The following ZNF658 variants were observed in gnomAD, a reference collection of about 807,000 sequenced individuals.
ZNF658 encodes zinc finger protein 658.
A neutral mutation model predicts 78.0 loss-of-function variants in ZNF658; 46 were observed. That is an observed-to-expected ratio of 0.59 (90% CI 0.47 to 0.75). The LOEUF is 0.75. Ranked by LOEUF, ZNF658 falls within the 30% of genes least tolerant of loss-of-function variation. The pLI, the probability that ZNF658 is intolerant of heterozygous loss-of-function variation, is 0.00. For missense variants in ZNF658, 785 were observed against 1,189.3 expected, an observed-to-expected ratio of 0.66 and a Z score of 5.00; for synonymous variants, 279 against 408.4, an observed-to-expected ratio of 0.68 and a Z score of 3.82.
rs1822421047 is a variant in ZNF658, at chr9:66,918,864, C to T, written c.1298C>T (p.Thr433Ile). The change falls in exon 5 of 5, where the codon ACT (threonine) becomes ATT (isoleucine). Residue 433 changes from threonine (T) to isoleucine (I), a missense_variant. This residue lies in a region of ZNF658 where 393 missense variants were observed against 400.2 expected (regional missense o/e 0.98). Transcript: ENST00000621410. ...TCACATCCTATTCAGCATCCTGGAACTTATGTGGGATTCAAACTTTATGAA... is the reference window on the plus strand; with the variant it reads ...TCACATCCTATTCAGCATCCTGGAATTTATGTGGGATTCAAACTTTATGAA... Reference protein sequence around the residue: ...SSSHPIQHPGTYVGFKLYECN... With the variant: ...SSSHPIQHPGIYVGFKLYECN... 1.2e-6 allele frequency: 2 copies of T among 1,601,268 alleles called. No homozygotes were observed. The highest frequency in any genetic ancestry group is 1.7e-6 in the Non-Finnish European group (2 of 1,171,166).
rs538127725 is a variant in ZNF658, at chr9:66,910,570, A to C, written c.238+1836A>C. ...ATGCCTGTAATCCCAGCACTTTGGG[A>C]GGCCAAGGCAGACAGATCACGAGGT... On this transcript the variant is annotated intron_variant, in intron 4 of 4. Coordinates refer to ENST00000621410, the MANE Select transcript of ZNF658 (RefSeq NM_033160.7). Among the ~76,000 whole-genome samples the C allele has an allele frequency of 2.6e-5, 4 of 152,088 alleles. No individual in the cohort carries two copies. In the South Asian group the frequency reaches 8.3e-4, roughly 32 times the overall value.
intron 2 of ZNF658, among the ~76,000 whole-genome samples, chr9:66,904,755 A>G (rs971558519): frequency 9.9e-5 from 15 of 152,082 alleles, no homozygotes; most frequent in African/African-American, 3.4e-4. Flanking sequence ...GTTTTGCTGA[A>G]CCATTCCCTT....
Position 66,919,063 on chromosome 9 carries a change from T to C in ZNF658, c.1497T>C (p.Tyr499=). Residue 499 remains tyrosine, a synonymous_variant, in exon 5 of 5, where the codon TAT becomes TAC. Coordinates refer to ENST00000621410, the MANE Select transcript of ZNF658 (RefSeq NM_033160.7). ...TGGAACTCTGTGGTGGCAGTGAATA[T>C]GGGAAGACATCACATCTCAAAGGAC... is the stretch of plus-strand genomic sequence containing the variant. The part of the protein sequence containing the change: ...AEMELCGGSE[Y]GKTSHLKGHQ... 2 of 633,824 alleles carry C rather than the reference T, an allele frequency of 3.2e-6. No individual in the cohort carries two copies. Among genetic ancestry groups the C allele is most frequent in the Non-Finnish European group, 5.0e-6 (2 of 397,378 alleles). 39.3% of individuals were successfully genotyped at this position (633,824 alleles called of 1,614,324 possible).
downstream of ZNF658, among the ~76,000 whole-genome samples, chr9:66,926,288 T>A (rs1004071667): frequency 2.2e-5 from 3 of 137,352 alleles, no homozygotes; most frequent in African/African-American, 8.0e-5. Context: ...AAGGAAGAAG[T>A]GAAATTGTAC....
At chr9:66,910,591 G>A (rs1379896078) in intron 4 of ZNF658, among the ~76,000 whole-genome samples, 2 of 152,046 alleles carry the variant, frequency 1.3e-5, no homozygotes, top group African/African-American at 4.8e-5. Flanking sequence ...GACAGATCAC[G>A]AGGTCAGGAG....
chr9:66,926,349 A>G (rs994474813), downstream of ZNF658, among the ~76,000 whole-genome samples: 1 of 150,750 alleles, frequency 6.6e-6, no homozygotes, highest in African/African-American at 2.4e-5. Context: ...TCCACAAAAA[A>G]CTGTTAGAAT....
chr9:66,924,843 TAGGTTTTAG>T (rs1474990060), downstream of ZNF658, among the ~76,000 whole-genome samples: 1 of 151,212 alleles, frequency 6.6e-6, no homozygotes, highest in African/African-American at 2.4e-5. Context: ...GACATGATTT[TAGGTTTTAG>T]ATGTTAAAAG....
chr9:66,917,756 C>T, intron 4 of ZNF658, 49 bp from the exon 5 acceptor site: 1 of 1,430,858 alleles, frequency 7.0e-7, no homozygotes, highest in South Asian at 1.3e-5. Flanking sequence ...AGTTCTTCTC[C>T]ATGAGAAATG....
chr9:66,913,223 A>G (rs28670071), intron 4 of ZNF658, among the ~76,000 whole-genome samples: 122,610 of 150,368 alleles, frequency 0.82, 50,226 homozygotes, highest in African/African-American at 0.89. Flanking sequence ...TCAGGAATTC[A>G]AGACCAGCCT....
In ZNF658 at chr9:66,920,124, C is replaced by A. The variant is rs1822476151; in HGVS notation, c.2558C>A (p.Pro853His). The A allele has an allele frequency of 1.2e-6, 2 of 1,612,086 alleles. No individual in the cohort carries two copies. Among genetic ancestry groups the A allele is most frequent in the South Asian group, 2.2e-5 (2 of 90,986 alleles). Residue 853 changes from proline to histidine, a missense_variant, in exon 5 of 5, where the codon CCC (proline) becomes CAC (histidine). Pro to His is a moderately conservative substitution (Grantham distance 77). Around this residue, in one of 12 missense-constraint regions of ZNF658, gnomAD observed 58 missense variants for 63.0 expected, o/e 0.92. Coordinates refer to ENST00000621410, the MANE Select transcript of ZNF658 (RefSeq NM_033160.7). ...AHQRIHTGEK[P>H]YECNECGKTF... ...CAGAGAATTCATACTGGGGAAAAACCCTATGAGTGTAATGAATGTGGGAAA... is the reference window on the plus strand; with the variant it reads ...CAGAGAATTCATACTGGGGAAAAACACTATGAGTGTAATGAATGTGGGAAA...
rs1290229814 is a variant in ZNF658, at chr9:66,929,826, C to T, written c.*55-2199C>T. Among the ~76,000 whole-genome samples, 399 of 121,792 alleles carry T rather than the reference C, an allele frequency of 3.3e-3. 1 individual carries two copies. The highest frequency in any genetic ancestry group is 5.2e-3 in the Non-Finnish European group (303 of 58,046). 79.9% of individuals were successfully genotyped at this position (121,792 alleles called of 152,430 possible). Reference sequence around the variant, plus strand: ...TTAGACGGAGTCTTGCTCTGTTGCCCGGGCTGGAGTGCAGTGGCATGATCT... The same window carrying T: ...TTAGACGGAGTCTTGCTCTGTTGCCTGGGCTGGAGTGCAGTGGCATGATCT... On this transcript the variant is annotated intron_variant and NMD_transcript_variant, in intron 6 of 6. Coordinates refer to the ZNF658 transcript ENST00000622180.
intron 4 of ZNF658, among the ~76,000 whole-genome samples, chr9:66,913,396 G>T (rs1822259575): frequency 6.6e-6 from 1 of 151,104 alleles, no homozygotes; most frequent in Non-Finnish European, 1.5e-5. Context: ...CTCCATTCCA[G>T]CCTGGGTGAC....
At chr9:66,909,238 G>A (rs1012006355) in intron 4 of ZNF658, among the ~76,000 whole-genome samples, 1 of 151,972 alleles carries the variant, frequency 6.6e-6, no homozygotes, top group Non-Finnish European at 1.5e-5. Context: ...GTACCCTTTA[G>A]TTATCACTGT....
intron 4 of ZNF658, among the ~76,000 whole-genome samples, chr9:66,909,036 G>A (rs935185328): frequency 2.0e-5 from 3 of 152,126 alleles, no homozygotes; most frequent in Non-Finnish European, 4.4e-5. Flanking sequence ...AATTAATATG[G>A]TGATGATTTA....
rs377225731 is a variant in ZNF658 at position 66,917,895 on chromosome 9, C to G, written c.329C>G (p.Thr110Arg). Residue 110 changes from threonine to arginine, a missense_variant, in exon 5 of 5, where the codon ACA becomes AGA. Physicochemically the swap from Thr to Arg is moderately conservative, Grantham distance 71. Around this residue, in one of 12 missense-constraint regions of ZNF658, gnomAD observed 54 missense variants for 48.9 expected, o/e 1.10. Coordinates refer to ENST00000621410, the MANE Select transcript of ZNF658 (RefSeq NM_033160.7). ...ATATTCATCAGTGATGCTGACAAAACATTGAGTAAAGAAGGACAGAAAGTT... is the reference window on the plus strand; with the variant it reads ...ATATTCATCAGTGATGCTGACAAAAGATTGAGTAAAGAAGGACAGAAAGTT... ...QEIFISDADK[T>R]LSKEGQKVLE... 1.2e-5 allele frequency: 20 copies of G among 1,607,724 alleles called. No homozygotes were observed. The African/African-American group carries it at 2.7e-4, about 22-fold the overall frequency.
Position 66,918,945 on chromosome 9 carries a change from G to C in ZNF658, c.1379G>C (p.Arg460Thr). 6.7e-7 allele frequency: 1 copy of C among 1,491,934 alleles called. No homozygotes were observed. Among genetic ancestry groups the C allele is most frequent in the Non-Finnish European group, 9.1e-7 (1 of 1,095,290 alleles). The allele number at this position is 1,491,934 out of a possible 1,614,324, so 92.4% of individuals were successfully genotyped here. Residue 460 changes from arginine to threonine, a missense_variant, in exon 5 of 5, where the codon AGA becomes ACA. Coordinates refer to ENST00000621410, the MANE Select transcript of ZNF658 (RefSeq NM_033160.7). ...AATTCAAACCTCAGTAAACATCTGA[G>C]AATTCACACAAAAGAGAAACCTTGT... ...CQNSNLSKHLRIHTKEKPCDN... is the reference protein window; with the variant it reads ...CQNSNLSKHLTIHTKEKPCDN...
At chr9:66,923,200 A>C (rs975581008), downstream of ZNF658, among the ~76,000 whole-genome samples, 2 of 150,522 alleles carry the variant, frequency 1.3e-5, no homozygotes, top group African/African-American at 4.9e-5. Flanking sequence ...CAAAAGTCCA[A>C]AAGCCGAAGA....
chr9:66,912,498 TGA>T (rs1822236805), intron 4 of ZNF658, among the ~76,000 whole-genome samples: 1 of 102,040 alleles, frequency 9.8e-6, no homozygotes, highest in African/African-American at 4.1e-5. Flanking sequence ...ACCACTACAA[TGA>T]AGCAAATTTC....
chr9:66,908,570 A>G, intron 3 of ZNF658, 69 bp from the exon 4 acceptor site: 2 of 1,528,682 alleles, frequency 1.3e-6, no homozygotes, highest in Non-Finnish European at 1.8e-6. Context: ...CTTTGCTGCC[A>G]TATCTTTTTT....
Sources: allele counts gnomAD v4.1 joint callset (sites outside exome capture counted in the v4.1 genomes callset), GRCh38; gene constraint gnomAD v4.1.1; regional missense constraint gnomAD v4.1.1; transcripts MANE v1.5; gene names NCBI Gene and HGNC (gene_info 2026-07-23, HGNC 2026-07-21).